Variants in ATP10B observed in about 807,000 individuals in gnomAD.
The protein encoded by ATP10B is ATPase phospholipid transporting 10B (putative).
A neutral mutation model predicts 141.2 loss-of-function variants in ATP10B; 122 were observed. The observed-to-expected ratio is 0.86, with a 90% CI of 0.75 to 1.00. ATP10B has a LOEUF of 1.00. Ranked by LOEUF, ATP10B falls within the 50% of genes least tolerant of loss-of-function variation. The pLI is 0.00. For missense variants in ATP10B, 1,876 were observed against 1,825.3 expected (o/e 1.03, Z -0.51); for synonymous variants, 685 against 692.0 (o/e 0.99, Z 0.16).
chr5:160,645,770 C>A (rs559143091), intron 8 of ATP10B, among the ~76,000 whole-genome samples: 1 of 152,258 alleles, frequency 6.6e-6, no homozygotes, highest in East Asian at 1.9e-4. Flanking sequence ...CTTTTTTAAA[C>A]GTGTTGTTCT....
intron 7 of ATP10B, among the ~76,000 whole-genome samples, chr5:160,653,681 CATATATACATATAT>C (rs1761177542): frequency 3.3e-5 from 1 of 30,480 alleles, no homozygotes; most frequent in East Asian, 9.5e-4. Context: ...ATTATATATA[CATATATACATATAT>C]ACATATACAA....
intron 1 of ATP10B, among the ~76,000 whole-genome samples, chr5:160,844,366 A>T (rs1456173080): frequency 6.6e-6 from 1 of 152,200 alleles, no homozygotes; most frequent in Non-Finnish European, 1.5e-5. Context: ...ACCACACACA[A>T]ATGAAAATTA....
At chr5:160,587,512 C>T (rs1466148577) in intron 24 of ATP10B, among the ~76,000 whole-genome samples, 3 of 152,152 alleles carry the variant, frequency 2.0e-5, no homozygotes, top group Non-Finnish European at 4.4e-5. Context: ...CTATAAATTA[C>T]TTTGGGCAGT....
chr5:160,840,948 T>C (rs796759680), intron 1 of ATP10B, among the ~76,000 whole-genome samples: 3 of 152,282 alleles, frequency 2.0e-5, no homozygotes, highest in African/African-American at 7.2e-5. Flanking sequence ...GATGATATAT[T>C]TCGTTCATAG....
intron 23 of ATP10B, 142 bp from the exon 24 acceptor site, chr5:160,589,838 G>A (rs1006955739): frequency 3.6e-5 from 23 of 631,200 alleles, no homozygotes; most frequent in African/African-American, 2.2e-4. Flanking sequence ...GTACTGATCC[G>A]AGGAACAGGT....
At chr5:160,695,652 G>T (rs1764317353) in intron 3 of ATP10B, among the ~76,000 whole-genome samples, 1 of 152,150 alleles carries the variant, frequency 6.6e-6, no homozygotes, top group African/African-American at 2.4e-5. Context: ...GCAGAAATAA[G>T]TCTTTACTAG....
chr5:160,736,862 A>T (rs1767153452), intron 2 of ATP10B, among the ~76,000 whole-genome samples: 1 of 152,222 alleles, frequency 6.6e-6, no homozygotes, highest in South Asian at 2.1e-4. Flanking sequence ...GATCCTGCTC[A>T]CATTATTCTG....
At chr5:160,730,010 A>T (rs1000986119) in intron 2 of ATP10B, among the ~76,000 whole-genome samples, 1 of 152,212 alleles carries the variant, frequency 6.6e-6, no homozygotes, top group Non-Finnish European at 1.5e-5. Context: ...GATAACGGTC[A>T]TGCTAACAGC....
chr5:160,656,777 C>T (rs1761531155), intron 7 of ATP10B, among the ~76,000 whole-genome samples: 1 of 152,074 alleles, frequency 6.6e-6, no homozygotes. Flanking sequence ...ACTTTGAAAT[C>T]CCTCCGTGTC....
intron 17 of ATP10B, 104 bp downstream of exon 17, chr5:160,615,734 C>T: frequency 7.0e-7 from 1 of 1,429,046 alleles, no homozygotes. Flanking sequence ...CCAGGGAAGG[C>T]TGCTAATGGA....
chr5:160,851,145 ACCTGGCAAATTCAGAGAAAATTG>A (rs1157624414), intron 1 of ATP10B, among the ~76,000 whole-genome samples: 3 of 152,210 alleles, frequency 2.0e-5, no homozygotes, highest in African/African-American at 2.4e-5. Context: ...TCCTCTGCCT[ACCTGGCAAATTCAGAGAAAATTG>A]CCTGGCAAAT....
At chr5:160,803,667 C>T (rs2127935501) in intron 1 of ATP10B, among the ~76,000 whole-genome samples, 1 of 152,172 alleles carries the variant, frequency 6.6e-6, no homozygotes, top group Non-Finnish European at 1.5e-5. Flanking sequence ...CAGAGCAAGA[C>T]TCCATCTCAA....
chr5:160,728,351 T>C (rs1353194440), intron 2 of ATP10B, among the ~76,000 whole-genome samples: 1 of 152,194 alleles, frequency 6.6e-6, no homozygotes, highest in East Asian at 1.9e-4. Flanking sequence ...AACAAACCTC[T>C]ATTGATTGAG....
intron 22 of ATP10B, among the ~76,000 whole-genome samples, chr5:160,598,395 G>C (rs1425621096): frequency 1.3e-5 from 2 of 151,918 alleles, no homozygotes; most frequent in Non-Finnish European, 2.9e-5. Flanking sequence ...TGTGGGGTGG[G>C]GGGAGCAGGG....
At chr5:160,762,401 C>T (rs1370169377) in intron 2 of ATP10B, among the ~76,000 whole-genome samples, 1 of 152,160 alleles carries the variant, frequency 6.6e-6, no homozygotes, top group African/African-American at 2.4e-5. Context: ...GATTGGGGTC[C>T]TATCGTTAGC....
rs569895651 is a variant in ATP10B, at chr5:160,642,551, T to A, written c.868+1587A>T. 1.2e-4 allele frequency among the ~76,000 whole-genome samples: 18 copies of A among 152,234 alleles called. 1 individual carries two copies. Among genetic ancestry groups the A allele is most frequent in the East Asian group, 7.7e-4 (4 of 5,174 alleles). On this transcript the variant is annotated intron_variant, in intron 9 of 25. Coordinates refer to ENST00000327245, the MANE Select transcript of ATP10B (RefSeq NM_025153.3). ...TGGTGGGGGGTGCTAATGCATCTTG[T>A]GGGTAGAGGCCAGAGATGCTGCTAA...
intron 24 of ATP10B, among the ~76,000 whole-genome samples, chr5:160,579,231 G>A (rs954721179): frequency 2.0e-5 from 3 of 152,130 alleles, no homozygotes; most frequent in Non-Finnish European, 4.4e-5. Flanking sequence ...TTTTAGTCAT[G>A]AAGTCTTTGC....
chr5:160,904,771 C>T, the ATP10B span, among the ~76,000 whole-genome samples: 29 of 152,262 alleles, frequency 1.9e-4, no homozygotes, highest in African/African-American at 3.9e-4. Context: ...CTGTTGCCAA[C>T]ATTAACCATG....
Position 160,569,535 on chromosome 5 carries a change from A to G in ATP10B, c.3899T>C (p.Leu1300Pro). ...AACAACTGGTGTGAGAAAGCAGACGAGGTAGAAAGTGGGGTTTGAGAGCTG... is the reference window on the plus strand; with the variant it reads ...AACAACTGGTGTGAGAAAGCAGACGGGGTAGAAAGTGGGGTTTGAGAGCTG... ...EGQLSNPTFY[L>P]VCFLTPVVAL... The change falls in exon 25 of 26, where the codon CTC (leucine) becomes CCC (proline). Residue 1300 changes from leucine to proline, a missense_variant. Leu to Pro is a moderately conservative substitution (Grantham distance 98). Coordinates refer to ENST00000327245, the MANE Select transcript of ATP10B (RefSeq NM_025153.3). 1 of 1,613,922 alleles carries G rather than the reference A, an allele frequency of 6.2e-7. No homozygotes were observed. The highest frequency in any genetic ancestry group is 8.5e-7 in the Non-Finnish European group (1 of 1,179,882).
Sources: allele counts gnomAD v4.1 joint callset (sites outside exome capture counted in the v4.1 genomes callset), GRCh38; gene constraint gnomAD v4.1.1; transcripts MANE v1.5; gene names NCBI Gene and HGNC (gene_info 2026-07-23, HGNC 2026-07-21).